Variants in PLAT observed in about 807,000 individuals in gnomAD.
The protein encoded by PLAT is plasminogen activator, tissue type, also known as tissue-type plasminogen activator.
A neutral mutation model predicts 74.9 loss-of-function variants in PLAT; 48 were observed. The observed-to-expected ratio is 0.64, with a 90% CI of 0.51 to 0.82. The LOEUF is 0.82. PLAT is among the 40% of genes least tolerant of loss of function. The pLI, the probability that PLAT is intolerant of heterozygous loss-of-function variation, is 0.00. For missense variants in PLAT, 673 were observed against 736.2 expected, an observed-to-expected ratio of 0.91 and a Z score of 0.99; for synonymous variants, 307 against 294.4, an observed-to-expected ratio of 1.04 and a Z score of -0.44.
At chr8:42,203,992 T>TATATAC (rs1554499838) in intron 1 of PLAT, among the ~76,000 whole-genome samples, 29 of 109,866 alleles carry the variant, frequency 2.6e-4, no homozygotes, top group South Asian at 8.4e-4. Flanking sequence ...TATATATATA[T>TATATAC]ACACACACAC....
intron 1 of PLAT, among the ~76,000 whole-genome samples, chr8:42,200,741 C>T (rs1806098765): frequency 6.6e-6 from 1 of 150,530 alleles, no homozygotes; most frequent in Non-Finnish European, 1.5e-5. Context: ...GAGTTGGCAT[C>T]AGGACTCAAG....
Position 42,178,902 on chromosome 8 carries a change from AG to A in PLAT, c.1524del (p.Cys509AlafsTer12). ...SGGPQANLHDACQGDSGGPLV... is the reference protein window; with the variant it reads ...SGGPQANLHDXCQGDSGGPLV... ...GGCGCGCCACTCCTGGTTACCTGGC[AG>A]GCGTCGTGCAAGTTTGCCTGGGGCC... is the stretch of plus-strand genomic sequence containing the variant. On this transcript the variant is annotated frameshift_variant, in exon 13 of 14. Coordinates refer to ENST00000220809, the MANE Select transcript of PLAT (RefSeq NM_000930.5). LOFTEE classifies it high-confidence loss of function. The A allele has an allele frequency of 6.2e-7, 1 of 1,613,118 alleles. No individual in the cohort carries two copies. Among genetic ancestry groups the A allele is most frequent in the Non-Finnish European group, 8.5e-7 (1 of 1,179,918 alleles).
Position 42,180,033 on chromosome 8 carries a change from C to T in PLAT, c.1256G>A (p.Cys419Tyr). The T allele has an allele frequency of 1.2e-6, 2 of 1,609,580 alleles. No individual in the cohort carries two copies. The highest frequency in any genetic ancestry group is 1.1e-5 in the South Asian group (1 of 90,622). Residue 419 changes from cysteine (C) to tyrosine (Y), a missense_variant, in exon 12 of 14, where the codon TGT becomes TAT. Coordinates refer to ENST00000220809, the MANE Select transcript of PLAT (RefSeq NM_000930.5). ...LLQLKSDSSR[C>Y]AQESSVVRTV... is the part of the protein sequence containing the mutation. Reference sequence around the variant, plus strand: ...GCGGACCACGCTGCTCTCCTGGGCACAGCGGGACGAATCCGATTTCAGCTG... The same window carrying T: ...GCGGACCACGCTGCTCTCCTGGGCATAGCGGGACGAATCCGATTTCAGCTG...
rs1327030828 is a variant in PLAT at position 42,191,389 on chromosome 8, C to T, written c.98G>A (p.Gly33Glu). ...SQEIHARFRR[G>E]ARSYQVICRD... ...CACCCGACCTTGGTAAGATCTGGCTCCTCTTCTGAATCGGGCATGGATTTC... is the reference window on the plus strand; with the variant it reads ...CACCCGACCTTGGTAAGATCTGGCTTCTCTTCTGAATCGGGCATGGATTTC... Residue 33 changes from glycine to glutamate, a missense_variant, in exon 3 of 14, where the codon GGA becomes GAA. By Grantham distance (98) the Gly-to-Glu change is moderately conservative (BLOSUM62 -2). Transcript: ENST00000220809. The T allele has an allele frequency of 1.2e-6, 2 of 1,614,022 alleles. No homozygotes were observed. The highest frequency in any genetic ancestry group is 2.2e-5 in the East Asian group (1 of 44,888).
intron 6 of PLAT, chr8:42,187,080 T>G: frequency 4.2e-6 from 1 of 239,374 alleles, no homozygotes; most frequent in Admixed American, 5.4e-5. Context: ...GTATCTATCA[T>G]CTATTTATCT....
Position 42,176,098 on chromosome 8 carries a change from C to A in PLAT, c.1584G>T (p.Val528=). 1 of 1,613,946 alleles carries A rather than the reference C, an allele frequency of 6.2e-7. No homozygotes were observed. Among genetic ancestry groups the A allele is most frequent in the Non-Finnish European group, 8.5e-7 (1 of 1,179,894 alleles). ...AGCCCAGGCCCCAGCTGATGATGCC[C>A]ACCAAAGTCATGCGGCCATCGTTCA... ...VCLNDGRMTL[V]GIISWGLGCG... is the part of the protein sequence containing the mutation. Residue 528 remains valine (V), a synonymous_variant, in exon 14 of 14, where the codon GTG becomes GTT. Coordinates refer to ENST00000220809, the MANE Select transcript of PLAT (RefSeq NM_000930.5).
intron 1 of PLAT, among the ~76,000 whole-genome samples, chr8:42,207,274 C>T (rs1806377884): frequency 6.6e-6 from 1 of 152,204 alleles, no homozygotes; most frequent in Non-Finnish European, 1.5e-5. Context: ...CTCCCTTTCC[C>T]CGACTGCCTC....
At position 42,193,139 on chromosome 8, in the gene PLAT, C is replaced by T. The variant is rs780605910; in HGVS notation, c.47G>A (p.Gly16Glu). The T allele has an allele frequency of 1.2e-6, 2 of 1,613,394 alleles. No homozygotes were observed. Among genetic ancestry groups the T allele is most frequent in the South Asian group, 1.1e-5 (1 of 91,062 alleles). The part of the protein sequence containing the change: ...RGLCCVLLLC[G>E]AVFVSPSQEI... ...CTGGCTGGGCGAAACGAAGACTGCT[C>T]CACACAGCAGCAGCACACAGCAGAG... The change falls in exon 2 of 14, where the codon GGA becomes GAA. Residue 16 changes from glycine (G) to glutamate (E), a missense_variant. Gly to Glu is a moderately conservative substitution (Grantham distance 98, BLOSUM62 -2). Transcript: ENST00000220809.
rs777527994 is a variant in PLAT, at chr8:42,180,067, C to A, written c.1223-1G>T. ...GAATCCGATTTCAGCTGCAGCAGCG[C>A]TGGGAGGGAGAAAGGAGGAGTGAGC... On this transcript the variant is annotated splice_acceptor_variant, in intron 11 of 13. Transcript: ENST00000220809. LOFTEE classifies it high-confidence loss of function. The A allele has an allele frequency of 2.5e-6, 4 of 1,603,256 alleles. No individual in the cohort carries two copies. In the African/African-American group the frequency reaches 5.3e-5, roughly 21 times the overall value.
chr8:42,199,481 C>A (rs755976208), intron 1 of PLAT, among the ~76,000 whole-genome samples: 11 of 152,184 alleles, frequency 7.2e-5, no homozygotes, highest in Non-Finnish European at 1.0e-4. Context: ...CCCTGCCCCC[C>A]ACCCATCAGA....
At chr8:42,190,674 G>A (rs928178091) in intron 3 of PLAT, among the ~76,000 whole-genome samples, 2 of 152,142 alleles carry the variant, frequency 1.3e-5, no homozygotes, top group Non-Finnish European at 2.9e-5. Flanking sequence ...TTCACAAAGG[G>A]TATTGCAGAG....
intron 13 of PLAT, 30 bp from the exon 14 acceptor site, chr8:42,176,181 G>A (rs1259392629): frequency 2.5e-6 from 4 of 1,578,618 alleles, no homozygotes; most frequent in Non-Finnish European, 3.5e-6. Flanking sequence ...TTTGGCGTTT[G>A]CAAAAAAAGC....
intron 1 of PLAT, among the ~76,000 whole-genome samples, chr8:42,207,063 G>A (rs1247516840): frequency 6.6e-6 from 1 of 152,164 alleles, no homozygotes; most frequent in African/African-American, 2.4e-5. Flanking sequence ...GGGGTTCATC[G>A]GGGGAGGGAG....
chr8:42,179,853 T>G (rs1805143068), intron 12 of PLAT, 73 bp downstream of exon 12: 1 of 1,427,456 alleles, frequency 7.0e-7, no homozygotes, highest in Non-Finnish European at 9.3e-7. Context: ...CCTGACCCCA[T>G]TTTCCTCTGG....
chr8:42,194,054 T>C (rs1355738020), intron 1 of PLAT, among the ~76,000 whole-genome samples: 9 of 126,454 alleles, frequency 7.1e-5, no homozygotes, highest in East Asian at 2.3e-4. Context: ...TTCTTTCTTT[T>C]TTTTTTTTTT....
At position 42,180,364 on chromosome 8, in the gene PLAT, T is replaced by TG; in HGVS notation, c.1099dup (p.His367ProfsTer22). ...TGTTCTGCCCAAGATCACCGTCAGG[T>TG]GGTGGGGCGGAAACCTGGTGGAGAA... On this transcript the variant is annotated frameshift_variant, in exon 11 of 14. Coordinates refer to ENST00000220809, the MANE Select transcript of PLAT (RefSeq NM_000930.5). LOFTEE classifies it high-confidence loss of function. The TG allele has an allele frequency of 6.2e-7, 1 of 1,614,228 alleles. No individual in the cohort carries two copies. The highest frequency in any genetic ancestry group is 8.5e-7 in the Non-Finnish European group (1 of 1,180,018).
At chr8:42,193,338 GA>G (rs1805760256) in intron 1 of PLAT, 127 bp from the exon 2 acceptor site, 3 of 629,406 alleles carry the variant, frequency 4.8e-6, no homozygotes, top group Non-Finnish European at 8.6e-6. Context: ...AGAAACGCCA[GA>G]CATGCATCTA....
At chr8:42,190,556 C>A (rs1026059608) in intron 3 of PLAT, among the ~76,000 whole-genome samples, 3 of 152,178 alleles carry the variant, frequency 2.0e-5, no homozygotes, top group African/African-American at 7.2e-5. Flanking sequence ...CTTCTGAGGT[C>A]ACTGAGGCCA....
intron 12 of PLAT, 143 bp downstream of exon 12, chr8:42,179,783 C>G: frequency 7.3e-6 from 6 of 825,340 alleles, no homozygotes; most frequent in Non-Finnish European, 1.1e-5. Context: ...AGACGGGCCC[C>G]CACGACACAG....
Sources: gnomAD v4.1 joint callset for allele counts (sites outside exome capture counted in the v4.1 genomes callset) on GRCh38, gnomAD v4.1.1 for gene constraint, MANE v1.5 for transcripts, NCBI Gene and HGNC (gene_info 2026-07-23, HGNC 2026-07-21) for gene names.